Variants in IGSF21 observed in about 807,000 individuals in gnomAD.
The protein encoded by IGSF21 is immunoglobulin superfamily member 21.
IGSF21 carries 28 observed loss-of-function variants against 46.8 expected under a neutral mutation model. That is an observed-to-expected ratio of 0.60 (90% CI 0.44 to 0.82). The LOEUF (loss-of-function observed/expected upper bound fraction) is 0.82, where lower values mean the gene tolerates loss of function less well. IGSF21 is among the 40% of genes least tolerant of loss of function. IGSF21 has a pLI of 0.00. For synonymous variants in IGSF21, 284 were observed against 273.6 expected, an observed-to-expected ratio of 1.04 and a Z score of -0.38; for missense variants, 624 against 665.5, an observed-to-expected ratio of 0.94 and a Z score of 0.69.
At chr1:18,377,028 C>T (rs1264316887) in intron 8 of IGSF21, 36 bp downstream of exon 8, 3 of 1,561,628 alleles carry the variant, frequency 1.9e-6, no homozygotes, top group Non-Finnish European at 2.6e-6. Flanking sequence ...GGAGAACAAC[C>T]ACAGGGGCGG....
intron 1 of IGSF21, among the ~76,000 whole-genome samples, chr1:18,162,103 A>G (rs1361207219): frequency 6.6e-6 from 1 of 151,996 alleles, no homozygotes; most frequent in Admixed American, 6.6e-5. Flanking sequence ...CAGTGGCATG[A>G]TCACAACTCA....
chr1:18,186,890 G>A (rs897748208), intron 1 of IGSF21, among the ~76,000 whole-genome samples: 1 of 152,012 alleles, frequency 6.6e-6, no homozygotes, highest in Admixed American at 6.5e-5. Context: ...CACTGATGGA[G>A]GCCTTCCTGG....
At chr1:18,168,978 GAGT>G (rs2086707984) in intron 1 of IGSF21, among the ~76,000 whole-genome samples, 1 of 152,230 alleles carries the variant, frequency 6.6e-6, no homozygotes, top group Non-Finnish European at 1.5e-5. Flanking sequence ...TTGAAATCAG[GAGT>G]AGGGGGCTCA....
chr1:18,252,990 TTGGAAGAAACGC>T (rs562486904), intron 2 of IGSF21, among the ~76,000 whole-genome samples: 4 of 152,112 alleles, frequency 2.6e-5, no homozygotes, highest in Admixed American at 1.3e-4. Flanking sequence ...AAGTAATTAA[TTGGAAGAAACGC>T]TGAGCCTCCT....
chr1:18,309,286 A>G (rs2085457189), intron 3 of IGSF21, among the ~76,000 whole-genome samples: 1 of 152,108 alleles, frequency 6.6e-6, no homozygotes, highest in Non-Finnish European at 1.5e-5. Context: ...GTTTGCTAAT[A>G]ATAACACACA....
intron 5 of IGSF21, among the ~76,000 whole-genome samples, chr1:18,363,079 G>T (rs912452669): frequency 6.6e-6 from 1 of 152,156 alleles, no homozygotes; most frequent in African/African-American, 2.4e-5. Context: ...GTGAAGAGAG[G>T]CCAAGTCACT....
chr1:18,252,054 T>TG (rs1215912818), intron 2 of IGSF21, among the ~76,000 whole-genome samples: 1 of 134,808 alleles, frequency 7.4e-6, no homozygotes, highest in African/African-American at 2.8e-5. Context: ...CGTTTTTTTT[T>TG]TTTTTTTTTT....
chr1:18,208,632 C>T (rs1441814705), intron 1 of IGSF21, among the ~76,000 whole-genome samples: 4 of 144,496 alleles, frequency 2.8e-5, no homozygotes, highest in Admixed American at 7.1e-5. Context: ...CTCCTGACCT[C>T]GTTATCCGCC....
At chr1:18,172,758 C>G (rs1186911742) in intron 1 of IGSF21, among the ~76,000 whole-genome samples, 2 of 152,174 alleles carry the variant, frequency 1.3e-5, no homozygotes, top group Non-Finnish European at 2.9e-5. Flanking sequence ...CAATTCAGTC[C>G]ATATCACAAC....
intron 4 of IGSF21, among the ~76,000 whole-genome samples, chr1:18,351,215 AC>A (rs1325123883): frequency 6.6e-6 from 1 of 151,978 alleles, no homozygotes; most frequent in Middle Eastern, 3.2e-3. Context: ...AAAAGCCGTA[AC>A]AACTAGAATT....
At chr1:18,348,394 T>A (rs192359937) in intron 4 of IGSF21, among the ~76,000 whole-genome samples, 1 of 152,304 alleles carries the variant, frequency 6.6e-6, no homozygotes, top group Admixed American at 6.5e-5. Context: ...CAGAGTCAGA[T>A]CAGCTTCAGC....
At position 18,337,054 on chromosome 1, in the gene IGSF21, G is replaced by C. The variant is rs983889165; in HGVS notation, c.424+2044G>C. On this transcript the variant is annotated intron_variant, in intron 4 of 9. Transcript: ENST00000251296. The surrounding 1 kb of genome is among the most constrained non-coding windows in gnomAD (Gnocchi z 5.7). ...ACACATGGGAATTGTGGGAGCTACA[G>C]TATAAGATGAGATTTGAGTTGGGAC... Among the ~76,000 whole-genome samples the C allele has an allele frequency of 6.6e-6, 1 of 152,198 alleles. No homozygotes were observed. Among genetic ancestry groups the C allele is most frequent in the Admixed American group, 6.5e-5 (1 of 15,278 alleles).
intron 2 of IGSF21, among the ~76,000 whole-genome samples, chr1:18,228,739 G>C (rs923172238): frequency 3.9e-5 from 6 of 152,082 alleles, no homozygotes; most frequent in South Asian, 2.1e-4. Flanking sequence ...ACAGATAAAG[G>C]CACCACCATC....
chr1:18,253,609 C>T (rs1346216221), intron 2 of IGSF21, among the ~76,000 whole-genome samples: 2 of 152,204 alleles, frequency 1.3e-5, no homozygotes, highest in Non-Finnish European at 1.5e-5. Context: ...GCCAAAACAC[C>T]AATTAAAGGC....
intron 2 of IGSF21, among the ~76,000 whole-genome samples, chr1:18,248,514 G>C (rs1020249860): frequency 6.6e-6 from 1 of 152,082 alleles, no homozygotes; most frequent in Non-Finnish European, 1.5e-5. Flanking sequence ...TAGGAGCTGG[G>C]AAAATGCTAC....
At chr1:18,352,662 G>A (rs1293588047) in intron 4 of IGSF21, among the ~76,000 whole-genome samples, 1 of 152,180 alleles carries the variant, frequency 6.6e-6, no homozygotes, top group South Asian at 2.1e-4. Flanking sequence ...AGTTGGGTCC[G>A]CTCTGCCCGG....
At chr1:18,281,128 T>C (rs985903826) in intron 2 of IGSF21, among the ~76,000 whole-genome samples, 10 of 152,100 alleles carry the variant, frequency 6.6e-5, no homozygotes, top group Non-Finnish European at 1.5e-4. Context: ...AACGAATGAA[T>C]GAATGAATGA....
At chr1:18,163,935 C>A (rs2086653227) in intron 1 of IGSF21, among the ~76,000 whole-genome samples, 2 of 152,152 alleles carry the variant, frequency 1.3e-5, no homozygotes, top group Admixed American at 1.3e-4. Flanking sequence ...AAGGGAAATA[C>A]CGTGATAGCC....
intron 2 of IGSF21, among the ~76,000 whole-genome samples, chr1:18,277,546 C>CT (rs2085113986): frequency 6.6e-6 from 1 of 152,236 alleles, no homozygotes; most frequent in Middle Eastern, 3.4e-3. Flanking sequence ...GAAAACGTGA[C>CT]TTTTTTTAAA....
Sources: gnomAD v4.1 joint callset for allele counts (sites outside exome capture counted in the v4.1 genomes callset) on GRCh38, gnomAD v4.1.1 for gene constraint, Gnocchi (gnomAD v3.1) non-coding constraint, MANE v1.5 for transcripts, NCBI Gene and HGNC (gene_info 2026-07-23, HGNC 2026-07-21) for gene names.